Variants in MTUS2 observed in about 807,000 individuals in gnomAD.
MTUS2 encodes microtubule associated scaffold protein 2, also known as microtubule-associated tumor suppressor candidate 2.
A neutral mutation model predicts 114.1 loss-of-function variants in MTUS2; 40 were observed. The ratio of observed to expected loss-of-function variants is 0.35; its 90% CI spans 0.27 to 0.46. The LOEUF is 0.46. Among genes scored for constraint, MTUS2 ranks in the 20% least tolerant of loss-of-function variants. MTUS2 has a pLI of 1.00. For synonymous variants in MTUS2, 688 were observed against 672.0 expected, an observed-to-expected ratio of 1.02 and a Z score of -0.37; for missense variants, 1,679 against 1,705.4, an observed-to-expected ratio of 0.98 and a Z score of 0.27.
chr13:29,412,014 T>C (rs918630942), intron 8 of MTUS2, among the ~76,000 whole-genome samples: 2 of 152,252 alleles, frequency 1.3e-5, no homozygotes, highest in African/African-American at 4.8e-5. Context: ...TACATTGTCA[T>C]ATTATGTAAA....
intron 1 of MTUS2, among the ~76,000 whole-genome samples, chr13:28,821,426 T>C (rs1183658634): frequency 1.3e-5 from 2 of 152,232 alleles, no homozygotes; most frequent in African/African-American, 2.4e-5. Flanking sequence ...TTTCAAACTA[T>C]TGAATGATTT....
rs1894907542 is a variant in MTUS2 at position 29,200,555 on chromosome 13, T to A, written c.2645-81149T>A. On this transcript the variant is annotated intron_variant, in intron 5 of 15. Coordinates refer to ENST00000612955, the MANE Select transcript of MTUS2 (RefSeq NM_001033602.4). ...TTTTTTTTGAGATGGAGTTTTGCTC[T>A]TGTTGCCCAGGCTGGAATATAATGG... is the stretch of plus-strand genomic sequence containing the variant. 2.1e-5 allele frequency among the ~76,000 whole-genome samples: 3 copies of A among 142,714 alleles called. No individual in the cohort carries two copies. In the South Asian group the frequency reaches 7.0e-4, roughly 33 times the overall value. 93.6% of individuals were successfully genotyped at this position (142,714 alleles called of 152,430 possible). A position where few individuals can be genotyped will look rare whatever the true frequency, so the allele number is the denominator to read the frequency against.
intron 5 of MTUS2, among the ~76,000 whole-genome samples, chr13:29,195,021 C>T (rs1593585657): frequency 6.9e-6 from 1 of 145,836 alleles, no homozygotes; most frequent in East Asian, 2.1e-4. Flanking sequence ...CACATATTCT[C>T]ACTCACAGGT....
intron 2 of MTUS2, among the ~76,000 whole-genome samples, chr13:29,011,486 A>T (rs1047774526): frequency 2.0e-5 from 3 of 152,208 alleles, no homozygotes; most frequent in African/African-American, 7.2e-5. Flanking sequence ...CTTTGGTGAA[A>T]TATTGGAGGA....
intron 2 of MTUS2, among the ~76,000 whole-genome samples, chr13:28,861,763 G>A (rs777074324): frequency 2.7e-4 from 41 of 152,248 alleles, no homozygotes; most frequent in Non-Finnish European, 3.8e-4. Flanking sequence ...CCCGTATCCA[G>A]CAGCCTGAGG....
intron 2 of MTUS2, among the ~76,000 whole-genome samples, chr13:28,870,979 T>C (rs1050798754): frequency 2.0e-5 from 3 of 152,162 alleles, no homozygotes; most frequent in Non-Finnish European, 4.4e-5. Flanking sequence ...TTATCAAATA[T>C]CTACTGAGCA....
At chr13:29,471,745 C>CCG (rs1555283301) in intron 9 of MTUS2, among the ~76,000 whole-genome samples, 2,581 of 146,722 alleles carry the variant, frequency 0.018, 116 homozygotes, top group African/African-American at 0.059. Flanking sequence ...AGGCCCAGCC[C>CCG]CCCCCGACAC....
chr13:28,846,824 C>T (rs945439211), intron 2 of MTUS2, among the ~76,000 whole-genome samples: 4 of 152,196 alleles, frequency 2.6e-5, no homozygotes, highest in South Asian at 2.1e-4. Context: ...CTAGCTCCGT[C>T]GCGATTTTTC....
intron 2 of MTUS2, among the ~76,000 whole-genome samples, chr13:28,908,465 A>G (rs1880192583): frequency 1.3e-5 from 2 of 151,570 alleles, no homozygotes; most frequent in Admixed American, 6.6e-5. Context: ...TACAAAGGAC[A>G]TGAACTCATC....
At chr13:29,281,940 C>G in intron 6 of MTUS2, 75 bp downstream of exon 6, 1 of 1,448,498 alleles carries the variant, frequency 6.9e-7, no homozygotes, top group Non-Finnish European at 9.3e-7. Context: ...TTTGAAAGCC[C>G]CTGTGTACAT....
chr13:29,106,101 G>C (rs1890656095), intron 5 of MTUS2, among the ~76,000 whole-genome samples: 1 of 152,070 alleles, frequency 6.6e-6, no homozygotes, highest in South Asian at 2.1e-4. Flanking sequence ...TACAGTTTCA[G>C]CCCTTAACAG....
chr13:28,853,394 T>C (rs1876423446), intron 2 of MTUS2, among the ~76,000 whole-genome samples: 1 of 151,702 alleles, frequency 6.6e-6, no homozygotes, highest in Non-Finnish European at 1.5e-5. Flanking sequence ...AGTGGATGCC[T>C]TGGAGGCTCC....
At chr13:29,255,947 A>C (rs1443916906) in intron 5 of MTUS2, among the ~76,000 whole-genome samples, 1 of 152,184 alleles carries the variant, frequency 6.6e-6, no homozygotes, top group African/African-American at 2.4e-5. Flanking sequence ...GCCTGGTTCA[A>C]ATGACTCAGC....
intron 8 of MTUS2, among the ~76,000 whole-genome samples, chr13:29,393,378 CA>C (rs1331552525): frequency 6.6e-6 from 1 of 152,160 alleles, no homozygotes; most frequent in Admixed American, 6.5e-5. Context: ...CAAGTGGAAC[CA>C]TTACCTTTAA....
intron 9 of MTUS2, among the ~76,000 whole-genome samples, chr13:29,465,235 CTTACTATGAA>C (rs376701163): frequency 7.2e-5 from 11 of 152,270 alleles, no homozygotes; most frequent in Non-Finnish European, 1.5e-4. Context: ...GTGCTGAGCA[CTTACTATGAA>C]TTATCCCATT....
intron 4 of MTUS2, among the ~76,000 whole-genome samples, chr13:29,063,382 T>A (rs1413200775): frequency 6.6e-6 from 1 of 152,168 alleles, no homozygotes; most frequent in East Asian, 1.9e-4. Flanking sequence ...CTGAAAGAAC[T>A]GTAATATTTT....
chr13:28,960,582 G>A (rs1052934379), intron 2 of MTUS2, among the ~76,000 whole-genome samples: 1 of 152,176 alleles, frequency 6.6e-6, no homozygotes, highest in South Asian at 2.1e-4. Context: ...ATTATGCTGA[G>A]TAAAAGAAGC....
chr13:29,113,523 A>G (rs775473556), intron 5 of MTUS2, among the ~76,000 whole-genome samples: 3 of 152,196 alleles, frequency 2.0e-5, no homozygotes, highest in Non-Finnish European at 2.9e-5. Flanking sequence ...CACTAGTCAC[A>G]TGGAGCTAAT....
intron 2 of MTUS2, among the ~76,000 whole-genome samples, chr13:28,922,531 A>T (rs1881099883): frequency 1.3e-5 from 2 of 152,088 alleles, no homozygotes; most frequent in Non-Finnish European, 1.5e-5. Context: ...CCATCTGGCT[A>T]TGCCTGGTCC....
Sources: gnomAD v4.1 joint callset for allele counts (sites outside exome capture counted in the v4.1 genomes callset) on GRCh38, gnomAD v4.1.1 for gene constraint, MANE v1.5 for transcripts, NCBI Gene and HGNC (gene_info 2026-07-23, HGNC 2026-07-21) for gene names.